The following ZMYND8 variants were observed in gnomAD, a reference collection of about 807,000 sequenced individuals.
ZMYND8 encodes MYND-type zinc finger-containing chromatin reader ZMYND8.
In ZMYND8, 37 loss-of-function variants were observed where a neutral mutation model predicts 140.8. The ratio of observed to expected loss-of-function variants is 0.26; its 90% CI spans 0.20 to 0.35. The LOEUF (loss-of-function observed/expected upper bound fraction) is 0.35, where lower values mean the gene tolerates loss of function less well. ZMYND8 is among the 10% of genes least tolerant of loss of function. The pLI, the probability that ZMYND8 is intolerant of heterozygous loss-of-function variation, is 1.00. For missense variants in ZMYND8, 1,068 were observed against 1,570.0 expected (o/e 0.68, Z 5.40); for synonymous variants, 592 against 597.1 (o/e 0.99, Z 0.12).
At chr20:47,290,646 C>G (rs1267325895) in intron 6 of ZMYND8, among the ~76,000 whole-genome samples, 1 of 122,730 alleles carries the variant, frequency 8.1e-6, no homozygotes, top group Non-Finnish European at 1.6e-5. Context: ...GGTTGGAGTG[C>G]AATGGCGTGA....
At chr20:47,323,269 G>A (rs1307166501) in intron 2 of ZMYND8, among the ~76,000 whole-genome samples, 1 of 151,904 alleles carries the variant, frequency 6.6e-6, no homozygotes, top group Non-Finnish European at 1.5e-5. Flanking sequence ...GGGAGACAGG[G>A]ACTCACTCTG....
At chr20:47,307,119 C>T (rs2078550773) in intron 3 of ZMYND8, among the ~76,000 whole-genome samples, 1 of 152,000 alleles carries the variant, frequency 6.6e-6, no homozygotes, top group African/African-American at 2.4e-5. Context: ...CAGGGCCCTG[C>T]CCTCATGAAT....
At position 47,319,135 on chromosome 20, in the gene ZMYND8, G is replaced by GC. The variant is rs759150952; in HGVS notation, c.86-8932dup. ...TACCAGGCCAGCCCCGGTCTTGTAC[G>GC]CATTAGGTCGCCCGGCGGGGCAAGG... On this transcript the variant is annotated intron_variant, in intron 2 of 22. Coordinates refer to ENST00000471951, the MANE Select transcript of ZMYND8 (RefSeq NM_001281775.3). 5 of 946,234 alleles carry GC rather than the reference G, an allele frequency of 5.3e-6. 1 individual carries two copies. In the South Asian group the frequency reaches 6.8e-5, roughly 13 times the overall value. The allele number at this position is 946,234 out of a possible 1,614,324, so 58.6% of individuals were successfully genotyped here.
chr20:47,344,474 T>A (rs1374354272), intron 2 of ZMYND8, among the ~76,000 whole-genome samples: 1 of 152,102 alleles, frequency 6.6e-6, no homozygotes, highest in Non-Finnish European at 1.5e-5. Context: ...TGAAAACCGG[T>A]AAGTTCCACA....
chr20:47,322,059 C>T (rs113355916), intron 2 of ZMYND8, among the ~76,000 whole-genome samples: 148 of 152,022 alleles, frequency 9.7e-4, no homozygotes, highest in African/African-American at 3.1e-3. Context: ...AGGGGTCTCG[C>T]CATGTTGCCC....
chr20:47,314,638 CG>C (rs1423961824), intron 2 of ZMYND8, among the ~76,000 whole-genome samples: 1 of 152,210 alleles, frequency 6.6e-6, no homozygotes, highest in African/African-American at 2.4e-5. Flanking sequence ...GTTTGAGGAA[CG>C]CTAGGGTATG....
At chr20:47,216,028 G>A (rs948891555) in intron 21 of ZMYND8, among the ~76,000 whole-genome samples, 6 of 152,214 alleles carry the variant, frequency 3.9e-5, no homozygotes, top group African/African-American at 1.4e-4. Flanking sequence ...AACGGCAGGA[G>A]GGAAGGACAG....
At chr20:47,301,531 A>G (rs2078047267) in intron 3 of ZMYND8, among the ~76,000 whole-genome samples, 1 of 152,110 alleles carries the variant, frequency 6.6e-6, no homozygotes, top group South Asian at 2.1e-4. Context: ...TTTCCAGGGA[A>G]TATCACTGCT....
chr20:47,319,528 C>T (rs2079732492), intron 2 of ZMYND8: 1 of 167,884 alleles, frequency 6.0e-6, no homozygotes, highest in Admixed American at 5.5e-5. Context: ...TCCCACTAGA[C>T]ACAGCCTCCT....
chr20:47,321,381 G>A (rs1215511822), intron 2 of ZMYND8, among the ~76,000 whole-genome samples: 1 of 152,204 alleles, frequency 6.6e-6, no homozygotes, highest in Non-Finnish European at 1.5e-5. Context: ...AACTGGGCAG[G>A]AAAAGGAGTT....
At chr20:47,301,437 T>C (rs1318357636) in intron 3 of ZMYND8, among the ~76,000 whole-genome samples, 1 of 152,150 alleles carries the variant, frequency 6.6e-6, no homozygotes, top group Non-Finnish European at 1.5e-5. Flanking sequence ...ATTACAGGTG[T>C]TGGCCACTGC....
intron 3 of ZMYND8, among the ~76,000 whole-genome samples, chr20:47,306,252 G>A (rs899805040): frequency 2.6e-5 from 4 of 151,838 alleles, no homozygotes; most frequent in Non-Finnish European, 4.4e-5. Flanking sequence ...AAAACTAGCC[G>A]GGTGTGCTGA....
chr20:47,258,073 T>A (rs1318016397), intron 12 of ZMYND8, among the ~76,000 whole-genome samples: 3 of 152,114 alleles, frequency 2.0e-5, no homozygotes, highest in African/African-American at 4.8e-5. Context: ...ACTAGGAGAG[T>A]TCCTGTAATA....
chr20:47,294,855 T>G, intron 4 of ZMYND8, 76 bp from the exon 5 acceptor site: 4 of 1,383,632 alleles, frequency 2.9e-6, no homozygotes, highest in Non-Finnish European at 4.1e-6. Context: ...TTCTATTTTT[T>G]CAGTCAACTG....
At chr20:47,310,596 G>A (rs2078846937) in intron 2 of ZMYND8, among the ~76,000 whole-genome samples, 1 of 151,920 alleles carries the variant, frequency 6.6e-6, no homozygotes, top group South Asian at 2.1e-4. Flanking sequence ...AAGAGTTCAA[G>A]ACCAGCCTGG....
chr20:47,211,090 G>A (rs1023129006), intron 22 of ZMYND8, among the ~76,000 whole-genome samples, 193 bp from the exon 23 acceptor site: 1 of 152,118 alleles, frequency 6.6e-6, no homozygotes, highest in Non-Finnish European at 1.5e-5. Flanking sequence ...TTATTTTTTA[G>A]GATTTAACGA....
chr20:47,236,280 C>G lies in ZMYND8; in HGVS notation c.2856+46G>C, dbSNP rs767563125. Reference sequence around the variant, plus strand: ...CTCGGGAGACCAAGATTCTGGCATCCTGCCAGGTGTCTGCCATCTCCACGG... The same window carrying G: ...CTCGGGAGACCAAGATTCTGGCATCGTGCCAGGTGTCTGCCATCTCCACGG... On this transcript the variant is annotated intron_variant, in intron 16 of 22. Transcript: ENST00000471951. 4.3e-6 allele frequency: 7 copies of G among 1,611,262 alleles called. No individual in the cohort carries two copies. The Admixed American group carries it at 6.7e-5, about 15-fold the overall frequency.
chr20:47,310,710 C>G (rs1035295879), intron 2 of ZMYND8, among the ~76,000 whole-genome samples: 3 of 149,086 alleles, frequency 2.0e-5, no homozygotes, highest in Admixed American at 6.8e-5. Flanking sequence ...TGCTTGAACC[C>G]AGGAGGCGGA....
At chr20:47,310,786 GAAAA>G (rs1169707543) in intron 2 of ZMYND8, among the ~76,000 whole-genome samples, 2 of 76,830 alleles carry the variant, frequency 2.6e-5, no homozygotes, top group Non-Finnish European at 5.2e-5. Flanking sequence ...CCTCCGACGT[GAAAA>G]AAAAAAAAAA....
Sources: gnomAD v4.1 joint callset for allele counts (sites outside exome capture counted in the v4.1 genomes callset) on GRCh38, gnomAD v4.1.1 for gene constraint, MANE v1.5 for transcripts, NCBI Gene and HGNC (gene_info 2026-07-23, HGNC 2026-07-21) for gene names.